The following FHL2 variants were observed in gnomAD, a reference collection of about 807,000 sequenced individuals.
The protein encoded by FHL2 is four and a half LIM domains 2.
In FHL2, 20 loss-of-function variants were observed where a neutral mutation model predicts 32.7. The ratio of observed to expected loss-of-function variants is 0.61; its 90% CI spans 0.43 to 0.89. The LOEUF (loss-of-function observed/expected upper bound fraction) is 0.89. Among genes scored for constraint, FHL2 ranks in the 40% least tolerant of loss-of-function variants. The pLI is 0.00. For synonymous variants in FHL2, 123 were observed against 128.1 expected, an observed-to-expected ratio of 0.96 and a Z score of 0.27; for missense variants, 311 against 358.6, an observed-to-expected ratio of 0.87 and a Z score of 1.07.
At chr2:105,370,098 C>T (rs1244506431) in intron 4 of FHL2, among the ~76,000 whole-genome samples, 7 of 152,148 alleles carry the variant, frequency 4.6e-5, no homozygotes, top group Admixed American at 4.6e-4. Flanking sequence ...ATGAGGCTGG[C>T]TGCGGTGCCT....
chr2:105,367,094 A>G (rs976462022), intron 5 of FHL2, among the ~76,000 whole-genome samples: 2 of 152,214 alleles, frequency 1.3e-5, no homozygotes, highest in African/African-American at 4.8e-5. Context: ...CATTTAATAA[A>G]TGATCTGTCC....
intron 3 of FHL2, among the ~76,000 whole-genome samples, chr2:105,382,718 CT>C (rs1488814586): frequency 6.6e-6 from 1 of 152,088 alleles, no homozygotes. Context: ...TTGTAGCACC[CT>C]CCAAGCACAT....
In FHL2 at chr2:105,396,675, C is replaced by T. The variant is rs1460213166; in HGVS notation, c.-53G>A. ...AAAGTCAAAATGCCAGCCTAGTCTC[C>T]AGGAAGACACAGTTCTCAGCCACTA... On this transcript the variant is annotated 5_prime_UTR_variant, in exon 2 of 7. Transcript: ENST00000530340. 6.2e-7 allele frequency: 1 copy of T among 1,612,690 alleles called. No homozygotes were observed. Among genetic ancestry groups the T allele is most frequent in the Non-Finnish European group, 8.5e-7 (1 of 1,179,868 alleles).
At chr2:105,361,475 G>T in intron 6 of FHL2, 41 bp from the exon 7 acceptor site, 1 of 1,583,914 alleles carries the variant, frequency 6.3e-7, no homozygotes, top group Admixed American at 1.7e-5. Context: ...AAGAAAGTTA[G>T]AATCAGGCAA....
rs1681253761 is a variant in FHL2 at position 105,373,645 on chromosome 2, G to A, written c.245C>T (p.Ala82Val). The stretch of plus-strand genomic sequence containing the variant: ...TGTACAGAGCAGCTGGTCCTCCTTG[G>A]CAGCAAAGGGCTTGTCCACCAGTGA... ...RNSLVDKPFA[A>V]KEDQLLCTDC... Residue 82 changes from alanine (A) to valine (V), a missense_variant, in exon 4 of 7, where the codon GCC (alanine) becomes GTC (valine). Coordinates refer to ENST00000530340, the MANE Select transcript of FHL2 (RefSeq NM_001318895.3). 6.2e-7 allele frequency: 1 copy of A among 1,614,058 alleles called. No individual in the cohort carries two copies. Among genetic ancestry groups the A allele is most frequent in the Admixed American group, 1.7e-5 (1 of 60,008 alleles).
chr2:105,375,113 C>T (rs1007866988), intron 3 of FHL2: 1 of 151,440 alleles, frequency 6.6e-6, no homozygotes, highest in Admixed American at 6.6e-5. Context: ...CTAGAACAAA[C>T]AGTTCTCTTT....
chr2:105,428,736 C>T (rs991468448), intron 1 of FHL2, among the ~76,000 whole-genome samples: 4 of 152,204 alleles, frequency 2.6e-5, no homozygotes, highest in African/African-American at 9.7e-5. Flanking sequence ...CCCTGTGTCC[C>T]TCACTGGAGC....
intron 1 of FHL2, among the ~76,000 whole-genome samples, chr2:105,434,902 C>G (rs939348710): frequency 6.6e-6 from 1 of 151,996 alleles, no homozygotes; most frequent in Admixed American, 6.6e-5. Flanking sequence ...CTAAATCATT[C>G]TGGTTGGTTA....
At chr2:105,392,649 AAAGTAT>A (rs1338841769) in intron 2 of FHL2, among the ~76,000 whole-genome samples, 1 of 152,136 alleles carries the variant, frequency 6.6e-6, no homozygotes, top group Admixed American at 6.5e-5. Context: ...ACTGTAAAAC[AAAGTAT>A]GAGTGGGGAA....
At chr2:105,366,476 G>A (rs1680642169) in intron 5 of FHL2, among the ~76,000 whole-genome samples, 1 of 152,196 alleles carries the variant, frequency 6.6e-6, no homozygotes, top group Non-Finnish European at 1.5e-5. Flanking sequence ...GCGCTGCCCA[G>A]GGCGAGTGAG....
In FHL2 at chr2:105,361,330, T is replaced by G. The variant is rs1573266916; in HGVS notation, c.793A>C (p.Thr265Pro). 6.2e-7 allele frequency: 1 copy of G among 1,614,130 alleles called. No individual in the cohort carries two copies. The highest frequency in any genetic ancestry group is 8.5e-7 in the Non-Finnish European group (1 of 1,179,986). Residue 265 changes from threonine (T) to proline (P), a missense_variant, in exon 7 of 7, where the codon ACA (threonine) becomes CCA (proline). Coordinates refer to ENST00000530340, the MANE Select transcript of FHL2 (RefSeq NM_001318895.3). ...GGGCACAGGATGTCGTCCCTCTCTG[T>G]GAGGAAGCCACGCCCCACCAGTGAG... ...SLSLVGRGFL[T>P]ERDDILCPDC... is the part of the protein sequence containing the mutation.
intron 1 of FHL2, among the ~76,000 whole-genome samples, chr2:105,397,546 G>A (rs1340612981): frequency 6.6e-6 from 1 of 152,190 alleles, no homozygotes; most frequent in Non-Finnish European, 1.5e-5. Context: ...ATCTGCCTGT[G>A]GCTATTTGTG....
chr2:105,370,751 GT>G (rs1558687063), intron 4 of FHL2, among the ~76,000 whole-genome samples: 2 of 152,176 alleles, frequency 1.3e-5, no homozygotes, highest in African/African-American at 4.8e-5. Context: ...GTGCTGGTTT[GT>G]TTTGCATACA....
rs570903247 is a variant in FHL2, at chr2:105,363,414, C to T, written c.559G>A (p.Val187Met). The T allele has an allele frequency of 2.4e-5, 39 of 1,613,246 alleles. No individual in the cohort carries two copies. Among genetic ancestry groups the T allele is most frequent in the Admixed American group, 5.0e-5 (3 of 59,888 alleles). The change falls in exon 6 of 7, where the codon GTG (valine) becomes ATG (methionine). Residue 187 changes from valine to methionine, a missense_variant. Transcript: ENST00000530340. ...REQPWHKECF[V>M]CTACRKQLSG... ...AGCTGCTTCCTGCAGGCGGTGCACA[C>T]GAAGCACTCCTTGTGCCAGGGCTGC...
intron 1 of FHL2, among the ~76,000 whole-genome samples, chr2:105,430,857 C>G (rs1448989821): frequency 2.0e-5 from 3 of 152,176 alleles, no homozygotes; most frequent in Non-Finnish European, 4.4e-5. Flanking sequence ...GCAGACAGGC[C>G]TTGCTGGGGT....
At chr2:105,417,484 G>A (rs572041251) in intron 1 of FHL2, among the ~76,000 whole-genome samples, 89 of 152,030 alleles carry the variant, frequency 5.9e-4, no homozygotes, top group African/African-American at 1.9e-3. Flanking sequence ...CAGAGTTCGC[G>A]ATCAGCCTGG....
chr2:105,423,570 T>A (rs1301093669), intron 1 of FHL2, among the ~76,000 whole-genome samples: 1 of 152,206 alleles, frequency 6.6e-6, no homozygotes, highest in Admixed American at 6.5e-5. Context: ...TATCTCTGTG[T>A]CTTGTCTTTC....
At chr2:105,436,658 A>T (rs185167812) in intron 1 of FHL2, among the ~76,000 whole-genome samples, 79 of 150,448 alleles carry the variant, frequency 5.3e-4, no homozygotes, top group South Asian at 4.2e-3. Context: ...GTATTTTTTT[A>T]AAAAAAACGA....
intron 1 of FHL2, among the ~76,000 whole-genome samples, chr2:105,397,890 T>TTG (rs1553421760): frequency 0.15 from 22,464 of 148,238 alleles, 1,874 homozygotes; most frequent in Middle Eastern, 0.21. Context: ...TGTTTTTTGT[T>TTG]TTTTTTTGTC....
Sources: allele counts gnomAD v4.1 joint callset (sites outside exome capture counted in the v4.1 genomes callset), GRCh38; gene constraint gnomAD v4.1.1; transcripts MANE v1.5; gene names NCBI Gene and HGNC (gene_info 2026-07-23, HGNC 2026-07-21).